SLIT3: variants seen among roughly 807,000 people sequenced by gnomAD.
SLIT3 encodes the protein slit guidance ligand 3, also known as slit homolog 3 protein.
SLIT3 carries 68 observed loss-of-function variants against 184.0 expected under a neutral mutation model. The ratio of observed to expected loss-of-function variants is 0.37; its 90% CI spans 0.30 to 0.45. SLIT3 has a LOEUF of 0.45. Among genes scored for constraint, SLIT3 ranks in the 20% least tolerant of loss-of-function variants. The pLI, the probability that SLIT3 is intolerant of heterozygous loss-of-function variation, is 1.00. For missense variants in SLIT3, 1,707 were observed against 2,026.0 expected (o/e 0.84, Z 3.02); for synonymous variants, 831 against 828.6 (o/e 1.00, Z -0.05).
At chr5:169,057,040 A>G (rs185099717) in intron 4 of SLIT3, among the ~76,000 whole-genome samples, 3 of 152,304 alleles carry the variant, frequency 2.0e-5, no homozygotes, top group Admixed American at 2.0e-4. Flanking sequence ...TGGTGTCAAT[A>G]TATTTTCTGA....
At chr5:168,944,117 C>A (rs1403720790) in intron 4 of SLIT3, among the ~76,000 whole-genome samples, 1 of 152,166 alleles carries the variant, frequency 6.6e-6, no homozygotes, top group East Asian at 1.9e-4. Context: ...CCTAGAATGG[C>A]CACATGTCAA....
At chr5:168,834,844 G>A (rs1230901521) in intron 6 of SLIT3, among the ~76,000 whole-genome samples, 1 of 152,062 alleles carries the variant, frequency 6.6e-6, no homozygotes, top group Non-Finnish European at 1.5e-5. Context: ...GCAGGACAGG[G>A]AAGCAGACCT....
intron 27 of SLIT3, among the ~76,000 whole-genome samples, chr5:168,698,477 G>A (rs1167304665): frequency 1.3e-5 from 2 of 152,084 alleles, no homozygotes; most frequent in Non-Finnish European, 2.9e-5. Context: ...AGATTGCCAG[G>A]AACACCAGAA....
At chr5:169,278,410 C>A (rs1766887006) in intron 1 of SLIT3, among the ~76,000 whole-genome samples, 1 of 152,236 alleles carries the variant, frequency 6.6e-6, no homozygotes, top group African/African-American at 2.4e-5. Context: ...AGTTCTGCCT[C>A]TTGCCATGTG....
At chr5:169,116,635 T>C (rs577897242) in intron 4 of SLIT3, among the ~76,000 whole-genome samples, 1 of 152,334 alleles carries the variant, frequency 6.6e-6, no homozygotes, top group East Asian at 1.9e-4. Flanking sequence ...GATAAGATGA[T>C]AGTCCATGCA....
chr5:169,052,718 C>A (rs754319431), intron 4 of SLIT3, among the ~76,000 whole-genome samples: 6 of 152,004 alleles, frequency 3.9e-5, no homozygotes, highest in Admixed American at 3.3e-4. Context: ...CATTCTATTG[C>A]GGTCCTCTGA....
At chr5:168,844,518 CACAG>C (rs1439657532) in intron 6 of SLIT3, 62 bp downstream of exon 6, 2 of 1,447,868 alleles carry the variant, frequency 1.4e-6, no homozygotes, top group Non-Finnish European at 1.9e-6. Context: ...CTCCTCCCCA[CACAG>C]ACACACACAC....
In SLIT3 at chr5:169,227,393, G is replaced by A. The variant is rs189965712; in HGVS notation, c.341+17312C>T. On this transcript the variant is annotated intron_variant, in intron 3 of 35. Transcript: ENST00000519560. ...TAATTAGTCCTCTCAACAACTCAGC[G>A]TAGGTATTAGGTTGGTGCAAAAATA... is the stretch of plus-strand genomic sequence containing the variant. Among the ~76,000 whole-genome samples, 511 of 152,232 alleles carry A rather than the reference G, an allele frequency of 3.4e-3. 2 individuals carry two copies. The highest frequency in any genetic ancestry group is 0.011 in the African/African-American group (464 of 41,532).
At chr5:169,015,098 C>G (rs1756313075) in intron 4 of SLIT3, among the ~76,000 whole-genome samples, 1 of 140,782 alleles carries the variant, frequency 7.1e-6, no homozygotes, top group Non-Finnish European at 1.5e-5. Flanking sequence ...AACCAACTAA[C>G]TGGACAAAAA....
chr5:168,722,313 T>A lies in SLIT3; in HGVS notation c.2426A>T (p.Asn809Ile). 6.2e-7 allele frequency: 1 copy of A among 1,614,120 alleles called. No homozygotes were observed. Among genetic ancestry groups the A allele is most frequent in the Non-Finnish European group, 8.5e-7 (1 of 1,180,020 alleles). The change falls in exon 23 of 36, where the codon AAC becomes ATC. Residue 809 changes from asparagine (N) to isoleucine (I), a missense_variant. Asn to Ile is a moderately radical substitution (Grantham distance 149). Transcript: ENST00000519560. ...SHLSTLILSY[N>I]RLRCIPVHAF... ...GTGGACGGGGATGCACCTCAGCCGG[T>A]TGTAGCTCAGGATCCTGTGGAAAAG...
intron 4 of SLIT3, among the ~76,000 whole-genome samples, chr5:169,094,846 C>T (rs1759719383): frequency 6.6e-6 from 1 of 152,216 alleles, no homozygotes; most frequent in South Asian, 2.1e-4. Context: ...TCCACAGTTG[C>T]ATTTGCATCA....
chr5:169,205,113 G>A (rs548337551), intron 3 of SLIT3, among the ~76,000 whole-genome samples: 5 of 152,282 alleles, frequency 3.3e-5, no homozygotes, highest in Admixed American at 3.3e-4. Context: ...AATGAGGGAG[G>A]GGGCCTCATT....
At chr5:168,906,116 T>G (rs557527288) in intron 4 of SLIT3, among the ~76,000 whole-genome samples, 112 of 152,278 alleles carry the variant, frequency 7.4e-4, no homozygotes, top group African/African-American at 2.5e-3. Flanking sequence ...AGAGATCACA[T>G]TCCTCTCCCC....
At chr5:168,708,410 C>G in intron 25 of SLIT3, 1 of 426,344 alleles carries the variant, frequency 2.3e-6, no homozygotes, top group South Asian at 2.6e-5. Context: ...TAATTAGAAA[C>G]CCCCTGTGTA....
intron 12 of SLIT3, among the ~76,000 whole-genome samples, chr5:168,778,717 C>T (rs958043271): frequency 3.9e-5 from 6 of 152,326 alleles, no homozygotes; most frequent in Middle Eastern, 6.8e-3. Flanking sequence ...CAGGGACAAC[C>T]GTAGGACAGA....
chr5:168,907,973 T>TAGAGAGAGAGAGAGAGAG (rs1360826933), intron 4 of SLIT3, among the ~76,000 whole-genome samples: 4 of 66,790 alleles, frequency 6.0e-5, no homozygotes, highest in African/African-American at 2.9e-4. Flanking sequence ...TATATATATA[T>TAGAGAGAGAGAGAGAGAG]ATATATAGAG....
chr5:169,073,347 T>C (rs952916749), intron 4 of SLIT3, among the ~76,000 whole-genome samples: 1 of 152,170 alleles, frequency 6.6e-6, no homozygotes, highest in African/African-American at 2.4e-5. Context: ...CACACCATGC[T>C]GCACAAGGTT....
intron 4 of SLIT3, among the ~76,000 whole-genome samples, chr5:168,978,937 G>T (rs1012699123): frequency 6.9e-5 from 10 of 145,416 alleles, no homozygotes; most frequent in Non-Finnish European, 1.2e-4. Context: ...TGGGGGTGGG[G>T]TGGCTGGGGT....
At chr5:168,693,816 G>A (rs911361300) in intron 28 of SLIT3, among the ~76,000 whole-genome samples, 16 of 152,094 alleles carry the variant, frequency 1.1e-4, no homozygotes, top group Non-Finnish European at 2.4e-4. Context: ...GTCCTGGGAG[G>A]GAGCACTGAA....
Sources: allele counts gnomAD v4.1 joint callset (sites outside exome capture counted in the v4.1 genomes callset), GRCh38; gene constraint gnomAD v4.1.1; transcripts MANE v1.5; gene names NCBI Gene and HGNC (gene_info 2026-07-23, HGNC 2026-07-21).